ANXA4: variants seen among roughly 807,000 people sequenced by gnomAD.
The protein encoded by ANXA4 is annexin A4.
A neutral mutation model predicts 49.8 loss-of-function variants in ANXA4; 39 were observed. The observed-to-expected ratio is 0.78, with a 90% CI of 0.61 to 1.02. The LOEUF is 1.02. ANXA4 is among the 50% of genes least tolerant of loss of function. The probability of loss-of-function intolerance (pLI) is 0.00; values close to 1 mark genes in which losing one functional copy is unlikely to be tolerated. For missense variants in ANXA4, 360 were observed against 410.1 expected, an observed-to-expected ratio of 0.88 and a Z score of 1.05; for synonymous variants, 134 against 152.5, an observed-to-expected ratio of 0.88 and a Z score of 0.89.
chr2:69,820,598 T>A (rs759391020), intron 11 of ANXA4, 101 bp from the exon 12 acceptor site: 12 of 1,407,966 alleles, frequency 8.5e-6, no homozygotes, highest in Non-Finnish European at 1.2e-5. Context: ...GCAAAGGACA[T>A]CGTCAGCACA....
chr2:69,732,055 A>G (rs1670116968), intron 3 of ANXA4, among the ~76,000 whole-genome samples: 1 of 133,996 alleles, frequency 7.5e-6, no homozygotes, highest in Non-Finnish European at 1.5e-5. Flanking sequence ...ATCTCGACTC[A>G]CTGCAAACTC....
chr2:69,706,517 G>A (rs1678504632), intron 2 of ANXA4, among the ~76,000 whole-genome samples: 1 of 151,878 alleles, frequency 6.6e-6, no homozygotes, highest in South Asian at 2.1e-4. Flanking sequence ...GGCCAGGCTG[G>A]TCTCGAACTC....
Position 69,788,145 on chromosome 2 carries a change from T to G in ANXA4, c.97+4T>G. 1 of 1,612,686 alleles carries G rather than the reference T, an allele frequency of 6.2e-7. No individual in the cohort carries two copies. The highest frequency in any genetic ancestry group is 1.3e-5 in the African/African-American group (1 of 75,030). The stretch of plus-strand genomic sequence containing the variant: ...AGGAAGGCCATGAAAGGGCTCGGTA[T>G]GTGTCCTGCTGGAAGTGAATCCTCC... On this transcript the variant is annotated splice_donor_region_variant and intron_variant, in intron 3 of 12. Coordinates refer to ENST00000394295, the MANE Select transcript of ANXA4 (RefSeq NM_001153.5).
intron 2 of ANXA4, among the ~76,000 whole-genome samples, chr2:69,706,491 G>A (rs1678503257): frequency 6.6e-6 from 1 of 151,452 alleles, no homozygotes; most frequent in South Asian, 2.1e-4. Flanking sequence ...AGTAGAGACG[G>A]GGGTTTCGCC....
Position 69,755,216 on chromosome 2 carries a change from C to T in ANXA4, c.-47+13041C>T, listed in dbSNP as rs150463514. On this transcript the variant is annotated intron_variant, in intron 1 of 12. Coordinates refer to ENST00000394295, the MANE Select transcript of ANXA4 (RefSeq NM_001153.5). ...GGGGAAATGGGGAGTTACTGTTTCA[C>T]GTGTTCGGAGTTTCTGTTTGGAATG... 6.2e-3 allele frequency among the ~76,000 whole-genome samples: 938 copies of T among 152,266 alleles called. 14 individuals are homozygous for T. The highest frequency in any genetic ancestry group is 0.021 in the African/African-American group (891 of 41,536).
At chr2:69,657,496 A>G (rs977540657) in intron 2 of ANXA4, among the ~76,000 whole-genome samples, 2 of 152,136 alleles carry the variant, frequency 1.3e-5, no homozygotes, top group East Asian at 1.9e-4. Flanking sequence ...TATATTCACC[A>G]TCATCCTACT....
At chr2:69,647,388 TTTTATTTATTTA>T (rs199943902) in intron 1 of ANXA4, among the ~76,000 whole-genome samples, 87 of 145,948 alleles carry the variant, frequency 6.0e-4, no homozygotes, top group African/African-American at 1.8e-3. Context: ...TTTATTTTTA[TTTTATTTATTTA>T]TTTATTTATT....
chr2:69,722,242 G>T (rs932220684), intron 3 of ANXA4, among the ~76,000 whole-genome samples: 2 of 152,182 alleles, frequency 1.3e-5, no homozygotes, highest in African/African-American at 4.8e-5. Flanking sequence ...ATTGGAAGTA[G>T]CAGTGATGTA....
chr2:69,797,313 C>T (rs1672986934), intron 3 of ANXA4, among the ~76,000 whole-genome samples: 1 of 152,140 alleles, frequency 6.6e-6, no homozygotes, highest in Admixed American at 6.5e-5. Context: ...GTCCCAGCAC[C>T]ATAGTTGCAG....
intron 2 of ANXA4, among the ~76,000 whole-genome samples, chr2:69,710,013 G>A (rs547949611): frequency 4.4e-5 from 5 of 112,820 alleles, no homozygotes; most frequent in African/African-American, 7.4e-5. Flanking sequence ...TTGAGACAGA[G>A]TTTTGCTCTT....
intron 11 of ANXA4, among the ~76,000 whole-genome samples, chr2:69,819,668 C>G (rs957405611): frequency 6.6e-5 from 10 of 152,106 alleles, no homozygotes; most frequent in Non-Finnish European, 1.2e-4. Flanking sequence ...AAGTATGGAG[C>G]AAGAATGCCA....
rs376170393 is a variant in ANXA4 at position 69,784,259 on chromosome 2, G to A, written c.9+2685G>A. On this transcript the variant is annotated intron_variant, in intron 2 of 12. Transcript: ENST00000394295. ...AACACATTTCTTGATCTCTTTCTTGGAGAAAAAGAGTCATTAAGAATGCTA... is the reference window on the plus strand; with the variant it reads ...AACACATTTCTTGATCTCTTTCTTGAAGAAAAAGAGTCATTAAGAATGCTA... Among the ~76,000 whole-genome samples the A allele has an allele frequency of 3.9e-5, 6 of 152,186 alleles. No individual in the cohort carries two copies. In the South Asian group the frequency reaches 1.2e-3, roughly 32 times the overall value.
At chr2:69,759,711 T>TA (rs1671197167) in intron 1 of ANXA4, among the ~76,000 whole-genome samples, 1 of 152,226 alleles carries the variant, frequency 6.6e-6, no homozygotes, top group African/African-American at 2.4e-5. Context: ...ACTTCATTGT[T>TA]ACTGCCATAA....
intron 6 of ANXA4, chr2:69,808,603 T>C (rs999298207): frequency 6.5e-6 from 1 of 152,808 alleles, no homozygotes; most frequent in African/African-American, 2.4e-5. Flanking sequence ...TATTATACAC[T>C]TACACAATGA....
At chr2:69,791,241 G>A (rs1672679265) in intron 3 of ANXA4, among the ~76,000 whole-genome samples, 1 of 152,196 alleles carries the variant, frequency 6.6e-6, no homozygotes, top group African/African-American at 2.4e-5. Context: ...TATGGAGACT[G>A]TGTAGACAGA....
chr2:69,762,763 C>A (rs1573212684), intron 1 of ANXA4, among the ~76,000 whole-genome samples: 2 of 152,142 alleles, frequency 1.3e-5, no homozygotes, highest in East Asian at 3.9e-4. Context: ...CACAGCTCCT[C>A]ACCTCAGGGT....
At chr2:69,718,744 CAT>C (rs938573049) in intron 2 of ANXA4, among the ~76,000 whole-genome samples, 10 of 149,368 alleles carry the variant, frequency 6.7e-5, no homozygotes, top group African/African-American at 2.3e-4. Flanking sequence ...AATGCACACA[CAT>C]ACATGCATAC....
chr2:69,722,745 T>A (rs536243198), intron 3 of ANXA4, among the ~76,000 whole-genome samples: 3 of 151,828 alleles, frequency 2.0e-5, no homozygotes, highest in Non-Finnish European at 2.9e-5. Flanking sequence ...TTTATGCACG[T>A]CAAAATGTTT....
intron 8 of ANXA4, chr2:69,815,621 T>C (rs1261464356): frequency 8.5e-5 from 13 of 153,406 alleles, no homozygotes; most frequent in African/African-American, 3.1e-4. Flanking sequence ...AGAGCAGGGC[T>C]ATCCAATAGA....
Sources: allele counts gnomAD v4.1 joint callset (sites outside exome capture counted in the v4.1 genomes callset), GRCh38; gene constraint gnomAD v4.1.1; transcripts MANE v1.5; gene names NCBI Gene and HGNC (gene_info 2026-07-23, HGNC 2026-07-21).